The following LYST variants were observed in gnomAD, a reference collection of about 807,000 sequenced individuals.
LYST encodes the protein lysosomal trafficking regulator, also known as lysosomal-trafficking regulator.
A neutral mutation model predicts 413.6 loss-of-function variants in LYST; 192 were observed. The observed-to-expected ratio is 0.46, with a 90% confidence interval of 0.41 to 0.52. LYST has a LOEUF of 0.52. LYST is among the 20% of genes least tolerant of loss of function. The probability of loss-of-function intolerance (pLI) is 0.00; values close to 1 mark genes in which losing one functional copy is unlikely to be tolerated. For synonymous variants in LYST, 1,525 were observed against 1,567.3 expected (o/e 0.97, Z 0.64); for missense variants, 3,815 against 4,499.9 (o/e 0.85, Z 4.35).
At chr1:235,676,704 T>C (rs1014645408) in intron 50 of LYST, among the ~76,000 whole-genome samples, 2 of 152,166 alleles carry the variant, frequency 1.3e-5, no homozygotes, top group African/African-American at 4.8e-5. Flanking sequence ...CAGCTCAATT[T>C]GTTAAAATTT....
At chr1:235,717,372 A>G (rs569325628) in intron 40 of LYST, among the ~76,000 whole-genome samples, 34 of 152,330 alleles carry the variant, frequency 2.2e-4, no homozygotes, top group African/African-American at 7.9e-4. Flanking sequence ...GTATGTATGC[A>G]TGCGTACAAA....
chr1:235,771,918 T>G (rs111312137), intron 19 of LYST, among the ~76,000 whole-genome samples: 3 of 47,946 alleles, frequency 6.3e-5, no homozygotes, highest in African/African-American at 1.7e-4. Flanking sequence ...TTTTAGTTTG[T>G]TTTTTTTTTT....
chr1:235,880,853 C>T (rs372555753), intron 1 of LYST, among the ~76,000 whole-genome samples: 30 of 152,218 alleles, frequency 2.0e-4, no homozygotes, highest in African/African-American at 5.8e-4. Flanking sequence ...CGGCCGGGCA[C>T]GGTGGCTCAC....
Position 235,729,612 on chromosome 1 carries a change from A to G in LYST, c.9090T>C (p.Ala3030=), listed in dbSNP as rs754571229. The G allele has an allele frequency of 6.2e-7, 1 of 1,610,776 alleles. No homozygotes were observed. The highest frequency in any genetic ancestry group is 8.5e-7 in the Non-Finnish European group (1 of 1,177,118). The change falls in exon 37 of 53, where the codon GCT becomes GCC. Residue 3030 remains alanine (A), a synonymous_variant. Coordinates refer to ENST00000389793, the MANE Select transcript of LYST (RefSeq NM_000081.4). ...TTGACTTACCTAGTAACAATTCACC[A>G]GCTGTCTCTCTAGATGGTGCAACAC... ...CISVAPSRET[A]GELLLGKCGM...
intron 41 of LYST, among the ~76,000 whole-genome samples, chr1:235,716,042 C>G (rs904902149): frequency 1.3e-5 from 2 of 152,170 alleles, no homozygotes; most frequent in African/African-American, 2.4e-5. Context: ...TTGATTTCCA[C>G]AGCAATGACG....
chr1:235,752,505 C>T (rs562543235), intron 26 of LYST, among the ~76,000 whole-genome samples: 1 of 152,184 alleles, frequency 6.6e-6, no homozygotes, highest in African/African-American at 2.4e-5. Flanking sequence ...TAGGCAGTTT[C>T]TAGTCCACAC....
intron 1 of LYST, among the ~76,000 whole-genome samples, chr1:235,872,506 G>A (rs1005459521): frequency 6.6e-6 from 1 of 152,052 alleles, no homozygotes; most frequent in Admixed American, 6.6e-5. Flanking sequence ...GATTCTTCTT[G>A]GCATCTGTGT....
chr1:235,673,192 T>A (rs1659091816), intron 50 of LYST, among the ~76,000 whole-genome samples: 1 of 152,162 alleles, frequency 6.6e-6, no homozygotes, highest in South Asian at 2.1e-4. Flanking sequence ...AAAGCAATGT[T>A]AAAAAGAAAA....
In LYST at chr1:235,810,539, T is replaced by C. The variant is rs1018710888; in HGVS notation, c.284-5A>G. ...CTGAGAGCGGTAGGTTAAAATCTAA[T>C]GGAATGAAAAAAGAAGGCTTAGAAT... On this transcript the variant is annotated splice_polypyrimidine_tract_variant and splice_region_variant and intron_variant, in intron 4 of 52. Coordinates refer to ENST00000389793, the MANE Select transcript of LYST (RefSeq NM_000081.4). 6.8e-6 allele frequency: 11 copies of C among 1,608,986 alleles called. No homozygotes were observed. Among genetic ancestry groups the C allele is most frequent in the African/African-American group, 1.3e-5 (1 of 74,884 alleles).
chr1:235,748,179 T>C (rs9803893), intron 28 of LYST, among the ~76,000 whole-genome samples: 1,938 of 152,334 alleles, frequency 0.013, 48 homozygotes, highest in African/African-American at 0.044. Flanking sequence ...TTCATTTGTA[T>C]GTGAATTACT....
At chr1:235,810,623 C>A in intron 4 of LYST, 89 bp from the exon 5 acceptor site, 1 of 1,185,792 alleles carries the variant, frequency 8.4e-7, no homozygotes, top group South Asian at 1.3e-5. Context: ...TATCTTAAAC[C>A]CACTAAAGGA....
At chr1:235,675,977 A>G (rs1157022022) in intron 50 of LYST, among the ~76,000 whole-genome samples, 4 of 152,212 alleles carry the variant, frequency 2.6e-5, no homozygotes, top group African/African-American at 9.6e-5. Context: ...CCAACACTGA[A>G]TGGACAGAAA....
At chr1:235,705,175 T>G (rs1661880587) in intron 44 of LYST, among the ~76,000 whole-genome samples, 2 of 152,080 alleles carry the variant, frequency 1.3e-5, no homozygotes, top group East Asian at 3.9e-4. Flanking sequence ...AGTGGCAGAG[T>G]CACAGAGTGA....
At chr1:235,764,099 G>C (rs1667862978) in intron 21 of LYST, among the ~76,000 whole-genome samples, 1 of 152,096 alleles carries the variant, frequency 6.6e-6, no homozygotes. Context: ...TCCCTGTCAA[G>C]CTGTTTCCTT....
intron 10 of LYST, among the ~76,000 whole-genome samples, chr1:235,798,614 A>C (rs1212130535): frequency 1.4e-5 from 2 of 142,380 alleles, no homozygotes; most frequent in Non-Finnish European, 3.1e-5. Context: ...AAAAAAAAAA[A>C]AACACTGAAA....
At chr1:235,815,619 G>C (rs1454100901) in intron 3 of LYST, among the ~76,000 whole-genome samples, 1 of 152,102 alleles carries the variant, frequency 6.6e-6, no homozygotes, top group African/African-American at 2.4e-5. Flanking sequence ...ACAGAAATCA[G>C]TGGCATTTCC....
In LYST at chr1:235,777,200, A is replaced by G. The variant is rs779693060; in HGVS notation, c.5323T>C (p.Phe1775Leu). The change falls in exon 17 of 53, where the codon TTC becomes CTC. Residue 1775 changes from phenylalanine (F) to leucine (L), a missense_variant. Coordinates refer to ENST00000389793, the MANE Select transcript of LYST (RefSeq NM_000081.4). ...QMKTQLSQRP[F>L]SSKEVQSILL... ...ATGCTCTGAACTTCTTTTGAGCTGA[A>G]GGGTCTTTGAGAGAGTTGGGTTTTC... 9.9e-6 allele frequency: 16 copies of G among 1,613,636 alleles called. No individual in the cohort carries two copies. In the Admixed American group the frequency reaches 2.2e-4, roughly 22 times the overall value.
chr1:235,728,586 T>C (rs1218876900), intron 37 of LYST, among the ~76,000 whole-genome samples: 1 of 152,132 alleles, frequency 6.6e-6, no homozygotes, highest in Admixed American at 6.5e-5. Flanking sequence ...CTCAATAGGG[T>C]AGAGTAGGCC....
At chr1:235,751,566 A>C (rs1461469917) in intron 27 of LYST, among the ~76,000 whole-genome samples, 1 of 152,250 alleles carries the variant, frequency 6.6e-6, no homozygotes, top group Admixed American at 6.5e-5. Context: ...AAAAACCTTC[A>C]ATGGAAAAAT....
Sources: gnomAD v4.1 joint callset for allele counts (sites outside exome capture counted in the v4.1 genomes callset) on GRCh38, gnomAD v4.1.1 for gene constraint, MANE v1.5 for transcripts, NCBI Gene and HGNC (gene_info 2026-07-23, HGNC 2026-07-21) for gene names.